The following NSD2 variants were observed in gnomAD, a reference collection of about 807,000 sequenced individuals.
NSD2 encodes the protein histone-lysine N-methyltransferase NSD2.
Under a neutral mutation model 139.0 loss-of-function variants are expected in NSD2, and 12 were observed. That is an observed-to-expected ratio of 0.09 (90% CI 0.06 to 0.14). The LOEUF is 0.14. Ranked by LOEUF, NSD2 falls within the 10% of genes least tolerant of loss-of-function variation. The pLI is 1.00. For missense variants in NSD2, 1,155 were observed against 1,745.0 expected, an observed-to-expected ratio of 0.66 and a Z score of 6.02; for synonymous variants, 669 against 648.7, an observed-to-expected ratio of 1.03 and a Z score of -0.48.
At position 1,978,960 on chromosome 4, in the gene NSD2, C is replaced by G; in HGVS notation, c.*51C>G. On this transcript the variant is annotated 3_prime_UTR_variant, in exon 22 of 22. Transcript: ENST00000508803. ...CAGGGGCGGTGCAGGGCGGCCGGCC[C>G]TGCCTGCGGGAGAGGGCGAGCATGA... The G allele has an allele frequency of 6.9e-7, 1 of 1,446,302 alleles. No homozygotes were observed. Among genetic ancestry groups the G allele is most frequent in the Non-Finnish European group, 9.1e-7 (1 of 1,097,544 alleles). The allele number at this position is 1,446,302 out of a possible 1,614,324, so 89.6% of individuals were successfully genotyped here.
chr4:1,977,802 A>C (rs1727257211), intron 21 of NSD2, among the ~76,000 whole-genome samples: 1 of 149,000 alleles, frequency 6.7e-6, no homozygotes, highest in African/African-American at 2.5e-5. Flanking sequence ...AAAAAAAAAA[A>C]AACCAAACAA....
rs77067799 is a variant in NSD2, at chr4:1,905,132, CAA to C, written c.760+764_760+765del. Among the ~76,000 whole-genome samples the C allele has an allele frequency of 3.0e-5, 4 of 134,530 alleles. No homozygotes were observed. The East Asian group carries it at 6.4e-4, about 22-fold the overall frequency. The allele number at this position is 134,530 out of a possible 152,430, so 88.3% of individuals were successfully genotyped here. ...GCAACAACAGCGAAACTCTGTCTCA[CAA>C]AAAAAAAAAGAATGTTATATGTCCC... On this transcript the variant is annotated intron_variant, in intron 3 of 21. Coordinates refer to ENST00000508803, the MANE Select transcript of NSD2 (RefSeq NM_001042424.3).
At chr4:1,901,952 C>T (rs1052097232) in intron 2 of NSD2, among the ~76,000 whole-genome samples, 5 of 152,266 alleles carry the variant, frequency 3.3e-5, no homozygotes, top group Middle Eastern at 3.4e-3. Flanking sequence ...GGTGTCTCCA[C>T]GCCTTCACGT....
At chr4:1,929,578 G>A (rs1261825233) in intron 5 of NSD2, among the ~76,000 whole-genome samples, 3 of 152,222 alleles carry the variant, frequency 2.0e-5, no homozygotes, top group Non-Finnish European at 4.4e-5. Flanking sequence ...GTTGTGGCAG[G>A]AAGACAGCCA....
chr4:1,890,866 G>T (rs1560565811), intron 1 of NSD2, among the ~76,000 whole-genome samples: 2 of 152,030 alleles, frequency 1.3e-5, no homozygotes, highest in African/African-American at 4.8e-5. Context: ...CAAAGTGCTG[G>T]GATTACAGGG....
chr4:1,978,202 T>C (rs1329539083), intron 21 of NSD2, among the ~76,000 whole-genome samples: 3 of 152,222 alleles, frequency 2.0e-5, no homozygotes, highest in African/African-American at 7.2e-5. Flanking sequence ...AGAAAAGTGT[T>C]GGCCATGGGT....
intron 3 of NSD2, among the ~76,000 whole-genome samples, chr4:1,908,560 TAAAAG>T (rs763675137): frequency 1.2e-4 from 18 of 152,122 alleles, no homozygotes; most frequent in African/African-American, 2.2e-4. Context: ...CAGATAATCT[TAAAAG>T]AAAAGGGGTC....
At chr4:1,913,052 G>A (rs1447896789) in intron 3 of NSD2, among the ~76,000 whole-genome samples, 1 of 152,180 alleles carries the variant, frequency 6.6e-6, no homozygotes, top group East Asian at 1.9e-4. Context: ...TTAGTTTGTA[G>A]CATTACTCTT....
intron 18 of NSD2, among the ~76,000 whole-genome samples, chr4:1,966,783 A>G (rs1461398100): frequency 6.6e-6 from 1 of 152,190 alleles, no homozygotes; most frequent in Non-Finnish European, 1.5e-5. Context: ...ATGTATTACT[A>G]GTTTTACTCA....
At chr4:1,965,257 A>G (rs1051296145) in intron 18 of NSD2, among the ~76,000 whole-genome samples, 1 of 152,176 alleles carries the variant, frequency 6.6e-6, no homozygotes, top group Non-Finnish European at 1.5e-5. Flanking sequence ...GCATGAACAA[A>G]ATGGCAGTAT....
In NSD2 at chr4:1,901,682, C is replaced by T. The variant is rs539872901; in HGVS notation, c.597+431C>T. Among the ~76,000 whole-genome samples, 45 of 152,284 alleles carry T rather than the reference C, an allele frequency of 3.0e-4. 1 individual carries two copies. Among genetic ancestry groups the T allele is most frequent in the Admixed American group, 2.6e-3 (40 of 15,282 alleles). ...TAGAGTGTGACTTCTTAAGTCTGCA[C>T]CATCTGATGAGTGGGAAGCAGAGCT... On this transcript the variant is annotated intron_variant, in intron 2 of 21. Transcript: ENST00000508803.
At position 1,918,127 on chromosome 4, in the gene NSD2, T is replaced by C. The variant is rs1231483130; in HGVS notation, c.928-14T>C. The C allele has an allele frequency of 5.6e-6, 9 of 1,595,122 alleles. No homozygotes were observed. The highest frequency in any genetic ancestry group is 1.4e-5 in the African/African-American group (1 of 73,356). On this transcript the variant is annotated splice_polypyrimidine_tract_variant and intron_variant, in intron 4 of 21. Transcript: ENST00000508803. ...GTGTAGTGAAACTTACAGTGTCTCT[T>C]TTTTTTTTCCCAGCTATTGAAACCA...
At chr4:1,929,824 C>G (rs1721422023) in intron 5 of NSD2, among the ~76,000 whole-genome samples, 1 of 152,158 alleles carries the variant, frequency 6.6e-6, no homozygotes, top group South Asian at 2.1e-4. Context: ...CCTGGGAAAC[C>G]TTTAACTCAC....
At chr4:1,912,644 TG>T (rs1718834494) in intron 3 of NSD2, among the ~76,000 whole-genome samples, 2 of 152,094 alleles carry the variant, frequency 1.3e-5, no homozygotes, top group Non-Finnish European at 2.9e-5. Context: ...AATGAAAACC[TG>T]GGTTTGAGTC....
chr4:1,927,266 G>A (rs1721032579), intron 5 of NSD2, among the ~76,000 whole-genome samples: 1 of 152,174 alleles, frequency 6.6e-6, no homozygotes, highest in African/African-American at 2.4e-5. Context: ...GGAGTCATAT[G>A]CAACCATTTC....
At chr4:1,893,000 T>C (rs1313847028) in intron 1 of NSD2, 1 of 152,156 alleles carries the variant, frequency 6.6e-6, no homozygotes, top group Non-Finnish European at 1.5e-5. Flanking sequence ...AAGAAAAATA[T>C]TTATAAACGA....
chr4:1,963,812 G>C (rs975692949), intron 18 of NSD2, among the ~76,000 whole-genome samples: 13 of 152,204 alleles, frequency 8.5e-5, no homozygotes, highest in African/African-American at 3.1e-4. Context: ...CCAGGAGTTT[G>C]AGACCAGCCT....
At chr4:1,904,470 C>T (rs1717622274) in intron 3 of NSD2, 92 bp downstream of exon 3, 23 of 1,366,448 alleles carry the variant, frequency 1.7e-5, no homozygotes, top group Non-Finnish European at 2.2e-5. Context: ...TCTAAATAGC[C>T]CTGCTATGGT....
intron 1 of NSD2, chr4:1,892,033 TCTC>T (rs771794109): frequency 3.9e-5 from 6 of 152,298 alleles, no homozygotes; most frequent in East Asian, 3.9e-4. Context: ...TTTCTGCCTC[TCTC>T]CTCTAGAATA....
Sources: gnomAD v4.1 joint callset for allele counts (sites outside exome capture counted in the v4.1 genomes callset) on GRCh38, gnomAD v4.1.1 for gene constraint, MANE v1.5 for transcripts, NCBI Gene and HGNC (gene_info 2026-07-23, HGNC 2026-07-21) for gene names.